DOK6: variants seen among roughly 807,000 people sequenced by gnomAD.
DOK6 encodes docking protein 6.
DOK6 carries 22 observed loss-of-function variants against 44.0 expected under a neutral mutation model. That is an observed-to-expected ratio of 0.50 (90% confidence interval 0.36 to 0.71). DOK6 has a LOEUF of 0.71. DOK6 is among the 30% of genes least tolerant of loss of function. The pLI, the probability that DOK6 is intolerant of heterozygous loss-of-function variation, is 0.00. For missense variants in DOK6, 340 were observed against 416.4 expected (o/e 0.82, Z 1.60); for synonymous variants, 166 against 145.5 (o/e 1.14, Z -1.01).
chr18:69,562,929 A>G (rs1982873098), intron 1 of DOK6, among the ~76,000 whole-genome samples: 1 of 152,234 alleles, frequency 6.6e-6, no homozygotes, highest in Non-Finnish European at 1.5e-5. Flanking sequence ...TCCAGAATCT[A>G]CAATGAACTC....
intron 4 of DOK6, among the ~76,000 whole-genome samples, chr18:69,692,797 C>G (rs991617657): frequency 6.6e-6 from 1 of 152,186 alleles, no homozygotes; most frequent in Non-Finnish European, 1.5e-5. Context: ...AACAAATTAT[C>G]CAATACTTAC....
At chr18:69,759,770 G>T (rs1029972688) in intron 7 of DOK6, among the ~76,000 whole-genome samples, 1 of 152,118 alleles carries the variant, frequency 6.6e-6, no homozygotes, top group Non-Finnish European at 1.5e-5. Context: ...TTAACTTGCA[G>T]CAAAGTTAAA....
At chr18:69,651,443 C>A (rs1164479021) in intron 3 of DOK6, among the ~76,000 whole-genome samples, 2 of 150,840 alleles carry the variant, frequency 1.3e-5, no homozygotes, top group Non-Finnish European at 2.9e-5. Flanking sequence ...CTTAGGGAAT[C>A]CAATCCTTGC....
chr18:69,538,134 T>C (rs1295617719), intron 1 of DOK6, among the ~76,000 whole-genome samples: 1 of 152,212 alleles, frequency 6.6e-6, no homozygotes, highest in Non-Finnish European at 1.5e-5. Context: ...TCTATCTTCT[T>C]GTTCAGAACA....
chr18:69,625,258 C>T (rs1010108837), intron 3 of DOK6, among the ~76,000 whole-genome samples: 1 of 152,058 alleles, frequency 6.6e-6, no homozygotes, highest in African/African-American at 2.4e-5. Context: ...TGTTTTATTA[C>T]ATTTTCATGA....
At chr18:69,837,653 G>A (rs1982092376) in intron 7 of DOK6, among the ~76,000 whole-genome samples, 2 of 151,612 alleles carry the variant, frequency 1.3e-5, no homozygotes, top group Non-Finnish European at 2.9e-5. Flanking sequence ...TGTCATACTA[G>A]GTGTCTCCTA....
At chr18:69,440,667 G>C (rs371216731) in intron 1 of DOK6, among the ~76,000 whole-genome samples, 9 of 152,112 alleles carry the variant, frequency 5.9e-5, no homozygotes, top group African/African-American at 2.2e-4. Flanking sequence ...TATTGTGTCT[G>C]TGAAGAATTT....
chr18:69,543,879 A>G (rs1292124913), intron 1 of DOK6, among the ~76,000 whole-genome samples: 3 of 151,558 alleles, frequency 2.0e-5, no homozygotes. Context: ...TCAGGTAAGA[A>G]ATAATGCAAG....
At chr18:69,702,247 T>C (rs1986539200) in intron 5 of DOK6, among the ~76,000 whole-genome samples, 2 of 151,354 alleles carry the variant, frequency 1.3e-5, no homozygotes, top group South Asian at 4.2e-4. Context: ...TCTTCTGAAC[T>C]ACTGATATCT....
chr18:69,770,034 G>C (rs1979841268), intron 7 of DOK6, among the ~76,000 whole-genome samples: 1 of 152,140 alleles, frequency 6.6e-6, no homozygotes, highest in African/African-American at 2.4e-5. Context: ...TATTATGCTA[G>C]GTGTTATCAC....
chr18:69,692,623 T>C (rs1007901158), intron 4 of DOK6, among the ~76,000 whole-genome samples: 2 of 152,246 alleles, frequency 1.3e-5, no homozygotes, highest in African/African-American at 4.8e-5. Context: ...GAATCACTCG[T>C]TAATAAAAAC....
At chr18:69,592,544 T>C (rs113958365) in intron 2 of DOK6, among the ~76,000 whole-genome samples, 32 of 152,294 alleles carry the variant, frequency 2.1e-4, no homozygotes, top group African/African-American at 7.7e-4. Flanking sequence ...GGTAAATTTA[T>C]ACTTAGGCAT....
chr18:69,632,813 T>C (rs1316337257), intron 3 of DOK6, among the ~76,000 whole-genome samples: 2 of 152,196 alleles, frequency 1.3e-5, no homozygotes, highest in Non-Finnish European at 2.9e-5. Context: ...CAAGACAAAA[T>C]AAGCATTAGA....
intron 4 of DOK6, among the ~76,000 whole-genome samples, chr18:69,695,052 C>T (rs573629400): frequency 1.1e-3 from 160 of 152,244 alleles, no homozygotes; most frequent in African/African-American, 3.6e-3. Context: ...TTGAAAAAAG[C>T]AAGTGTTCTT....
chr18:69,845,479 T>C lies in DOK6; in HGVS notation c.*4096T>C, dbSNP rs1982326575. 2 of 152,194 alleles carry C rather than the reference T, an allele frequency of 1.3e-5. No homozygotes were observed. Among genetic ancestry groups the C allele is most frequent in the Admixed American group, 6.5e-5 (1 of 15,276 alleles). 9.4% of individuals were successfully genotyped at this position (152,194 alleles called of 1,614,324 possible). On this transcript the variant is annotated 3_prime_UTR_variant, in exon 8 of 8. Coordinates refer to ENST00000382713, the MANE Select transcript of DOK6 (RefSeq NM_152721.6). ...GCCACTGAATATGCATTAATAGCTA[T>C]AACAATGGGTGACATGCCACACAAA...
chr18:69,498,709 A>AT lies in DOK6; in HGVS notation c.67-65774dup, dbSNP rs564684887. Reference sequence around the variant, plus strand: ...TTGGTTTAAGGTGATTTTTATAACTATTTTCAGAGTCAAAGCATTTTGTAC... The same window carrying AT: ...TTGGTTTAAGGTGATTTTTATAACTATTTTTCAGAGTCAAAGCATTTTGTAC... On this transcript the variant is annotated intron_variant, in intron 1 of 7. Transcript: ENST00000382713. Among the ~76,000 whole-genome samples the AT allele has an allele frequency of 2.0e-5, 3 of 152,254 alleles. No individual in the cohort carries two copies. The South Asian group carries it at 6.2e-4, about 32-fold the overall frequency.
At chr18:69,481,349 A>G (rs970019999) in intron 1 of DOK6, among the ~76,000 whole-genome samples, 1 of 151,980 alleles carries the variant, frequency 6.6e-6, no homozygotes, top group Non-Finnish European at 1.5e-5. Flanking sequence ...CATTACATAT[A>G]TCTCCTAATG....
intron 1 of DOK6, among the ~76,000 whole-genome samples, chr18:69,511,263 A>C (rs2144556418): frequency 6.6e-6 from 1 of 152,278 alleles, no homozygotes; most frequent in South Asian, 2.1e-4. Flanking sequence ...CTCACACATT[A>C]AAATATTCCT....
intron 4 of DOK6, among the ~76,000 whole-genome samples, chr18:69,684,891 T>C (rs1986117893): frequency 2.0e-5 from 3 of 152,118 alleles, no homozygotes; most frequent in Non-Finnish European, 4.4e-5. Context: ...ACCCCAGATA[T>C]TATCTGGAAG....
Sources: gnomAD v4.1 joint callset for allele counts (sites outside exome capture counted in the v4.1 genomes callset) on GRCh38, gnomAD v4.1.1 for gene constraint, MANE v1.5 for transcripts, NCBI Gene and HGNC (gene_info 2026-07-23, HGNC 2026-07-21) for gene names.